The following PHACTR3 variants were observed in gnomAD, a reference collection of about 807,000 sequenced individuals.
PHACTR3 encodes phosphatase and actin regulator 3.
In PHACTR3, 16 loss-of-function variants were observed where a neutral mutation model predicts 66.8. The ratio of observed to expected loss-of-function variants is 0.24; its 90% CI spans 0.16 to 0.36. The LOEUF is 0.36. Among genes scored for constraint, PHACTR3 ranks in the 10% least tolerant of loss-of-function variants. PHACTR3 has a pLI of 1.00. For synonymous variants in PHACTR3, 323 were observed against 292.1 expected (o/e 1.11, Z -1.08); for missense variants, 647 against 719.9 (o/e 0.90, Z 1.16).
chr20:59,670,606 G>GT (rs2036157502), intron 1 of PHACTR3, among the ~76,000 whole-genome samples: 10 of 70,264 alleles, frequency 1.4e-4, no homozygotes, highest in African/African-American at 7.6e-4. Flanking sequence ...TGCCGGGGGT[G>GT]GGGGGGGGGG....
At chr20:59,636,784 T>C (rs1381118105) in intron 1 of PHACTR3, among the ~76,000 whole-genome samples, 1 of 152,198 alleles carries the variant, frequency 6.6e-6, no homozygotes, top group African/African-American at 2.4e-5. Context: ...TGATTATTAA[T>C]ACAGTGATGA....
rs1400476185 is a variant in PHACTR3, at chr20:59,822,230, C to T, written c.1329-14275C>T. On this transcript the variant is annotated intron_variant, in intron 8 of 12. Coordinates refer to ENST00000371015, the MANE Select transcript of PHACTR3 (RefSeq NM_080672.5). ...CCTCCGCAGCCATCCCACCCCCTCC[C>T]CTGCCATCCCACCCCCTCCCCACAG... Among the ~76,000 whole-genome samples the T allele has an allele frequency of 9.1e-4, 25 of 27,552 alleles. 1 individual carries two copies. The highest frequency in any genetic ancestry group is 8.0e-3 in the African/African-American group (21 of 2,626). The allele number at this position is 27,552 out of a possible 152,430, so 18.1% of individuals were successfully genotyped here.
At chr20:59,786,743 C>T (rs547782393) in intron 7 of PHACTR3, among the ~76,000 whole-genome samples, 1 of 151,936 alleles carries the variant, frequency 6.6e-6, no homozygotes, top group Non-Finnish European at 1.5e-5. Flanking sequence ...CCATGGAGCT[C>T]TTTCTGTGCA....
Position 59,604,810 on chromosome 20 carries a change from G to A in PHACTR3, c.-205G>A. On this transcript the variant is annotated 5_prime_UTR_variant, in exon 1 of 13. Coordinates refer to ENST00000371015, the MANE Select transcript of PHACTR3 (RefSeq NM_080672.5). Reference sequence around the variant, plus strand: ...CGGGATGCGCCTGGCTGCAGCCGGCGAGGCTATTGTCTCCCCGCCCTGAAG... The same window carrying A: ...CGGGATGCGCCTGGCTGCAGCCGGCAAGGCTATTGTCTCCCCGCCCTGAAG... 1.7e-6 allele frequency: 2 copies of A among 1,209,456 alleles called. No individual in the cohort carries two copies. The highest frequency in any genetic ancestry group is 3.2e-4 in the Middle Eastern group (1 of 3,130). 74.9% of individuals were successfully genotyped at this position (1,209,456 alleles called of 1,614,324 possible). A position where few individuals can be genotyped will look rare whatever the true frequency, so the allele number is the denominator to read the frequency against.
intron 3 of PHACTR3, among the ~76,000 whole-genome samples, chr20:59,749,650 A>G (rs2039506123): frequency 6.6e-6 from 1 of 152,164 alleles, no homozygotes; most frequent in African/African-American, 2.4e-5. Context: ...TGCATATTTC[A>G]GGGGGACGTG....
chr20:59,594,036 C>T (rs908472366), intron 1 of PHACTR3, among the ~76,000 whole-genome samples: 3 of 152,198 alleles, frequency 2.0e-5, no homozygotes, highest in African/African-American at 4.8e-5. Flanking sequence ...ATAGTCACAA[C>T]TGATTTTGAC....
intron 1 of PHACTR3, among the ~76,000 whole-genome samples, chr20:59,634,450 T>C (rs2034777356): frequency 6.6e-6 from 1 of 151,904 alleles, no homozygotes; most frequent in Non-Finnish European, 1.5e-5. Context: ...AGGTTAGGAG[T>C]GTTGGCCGTG....
At chr20:59,733,852 T>C (rs1185641429) in intron 1 of PHACTR3, among the ~76,000 whole-genome samples, 1 of 152,118 alleles carries the variant, frequency 6.6e-6, no homozygotes, top group Non-Finnish European at 1.5e-5. Context: ...GCACAGCAAA[T>C]GCTCAGTAGA....
At chr20:59,630,572 C>T (rs575552353) in intron 1 of PHACTR3, among the ~76,000 whole-genome samples, 1 of 152,206 alleles carries the variant, frequency 6.6e-6, no homozygotes, top group Non-Finnish European at 1.5e-5. Flanking sequence ...ACATTATATT[C>T]ATTTTAGACC....
intron 1 of PHACTR3, among the ~76,000 whole-genome samples, chr20:59,615,709 T>C (rs999266853): frequency 6.6e-6 from 1 of 152,148 alleles, no homozygotes; most frequent in Non-Finnish European, 1.5e-5. Flanking sequence ...AAACCAGCCA[T>C]GTTAGTCTTG....
intron 8 of PHACTR3, among the ~76,000 whole-genome samples, chr20:59,834,667 A>G (rs1253045355): frequency 3.3e-5 from 5 of 152,020 alleles, no homozygotes; most frequent in African/African-American, 1.2e-4. Context: ...GTCTTCCCAC[A>G]CTGGTTTCTT....
At chr20:59,696,251 C>T (rs2037293956) in intron 1 of PHACTR3, among the ~76,000 whole-genome samples, 2 of 152,128 alleles carry the variant, frequency 1.3e-5, no homozygotes, top group Non-Finnish European at 2.9e-5. Context: ...CCAAAGCGTC[C>T]AGAACAACAG....
chr20:59,637,883 A>G (rs1346870826), intron 1 of PHACTR3, among the ~76,000 whole-genome samples: 1 of 152,194 alleles, frequency 6.6e-6, no homozygotes, highest in Non-Finnish European at 1.5e-5. Flanking sequence ...TTTATCTGCC[A>G]AGCACATAGT....
rs375248725 is a variant in PHACTR3, at chr20:59,839,831, T to C, written c.1385-538T>C. ...AGATGTGTTAAGATTTGAAATATAGTCTGAACATATAAATTCCAGGCAAGC... is the reference window on the plus strand; with the variant it reads ...AGATGTGTTAAGATTTGAAATATAGCCTGAACATATAAATTCCAGGCAAGC... On this transcript the variant is annotated intron_variant, in intron 9 of 12. Transcript: ENST00000371015. Among the ~76,000 whole-genome samples, 80 of 152,282 alleles carry C rather than the reference T, an allele frequency of 5.3e-4. 1 individual carries two copies. In the South Asian group the frequency reaches 0.016, roughly 30 times the overall value.
chr20:59,768,760 G>T (rs1190190881), intron 5 of PHACTR3, among the ~76,000 whole-genome samples: 1 of 152,216 alleles, frequency 6.6e-6, no homozygotes, highest in Non-Finnish European at 1.5e-5. Context: ...GGGGACTCTT[G>T]GGTGGAAAAT....
chr20:59,795,685 A>G lies in PHACTR3; in HGVS notation c.1175-10356A>G, dbSNP rs927505584. Among the ~76,000 whole-genome samples the G allele has an allele frequency of 1.4e-4, 22 of 152,124 alleles. 1 individual carries two copies. The highest frequency in any genetic ancestry group is 1.4e-3 in the Admixed American group (21 of 15,284). On this transcript the variant is annotated intron_variant, in intron 7 of 12. Coordinates refer to ENST00000371015, the MANE Select transcript of PHACTR3 (RefSeq NM_080672.5). ...AAATTTGTATGCATATATATTTACA[A>G]TGGTAACATCCTCTTGTTGAATTGA...
chr20:59,628,179 A>C (rs1182053738), intron 1 of PHACTR3: 1 of 152,140 alleles, frequency 6.6e-6, no homozygotes, highest in Non-Finnish European at 1.5e-5. Context: ...TTTCTCTCTC[A>C]TGTCCTCCTC....
chr20:59,787,393 G>A (rs2040949555), intron 7 of PHACTR3, among the ~76,000 whole-genome samples: 1 of 152,228 alleles, frequency 6.6e-6, no homozygotes, highest in Non-Finnish European at 1.5e-5. Flanking sequence ...AGGCTCAGAA[G>A]CTCCAGGGTG....
chr20:59,776,507 CGGGGAGGATAGCCCCT>C (rs1172943178), intron 7 of PHACTR3, among the ~76,000 whole-genome samples: 1 of 84,346 alleles, frequency 1.2e-5, no homozygotes, highest in Non-Finnish European at 3.6e-5. Context: ...ACCAGCCACA[CGGGGAGGATAGCCCCT>C]GGGGAGGACA....
Sources: gnomAD v4.1 joint callset for allele counts (sites outside exome capture counted in the v4.1 genomes callset) on GRCh38, gnomAD v4.1.1 for gene constraint, MANE v1.5 for transcripts, NCBI Gene and HGNC (gene_info 2026-07-23, HGNC 2026-07-21) for gene names.